CFAP99: variants seen among roughly 807,000 people sequenced by gnomAD.
CFAP99 encodes cilia and flagella associated protein 99.
CFAP99 carries 84 observed loss-of-function variants against 82.7 expected under a neutral mutation model. That is an observed-to-expected ratio of 1.02 (90% CI 0.85 to 1.22). The LOEUF is 1.22. CFAP99 is among the 50% of genes most tolerant of loss of function. The pLI is 0.00. For missense variants in CFAP99, 1,059 were observed against 983.5 expected (o/e 1.08, Z -1.03); for synonymous variants, 456 against 429.5 (o/e 1.06, Z -0.76).
intron 1 of CFAP99, among the ~76,000 whole-genome samples, chr4:2,419,467 G>A (rs1478795096): frequency 6.6e-6 from 1 of 152,190 alleles, no homozygotes. Flanking sequence ...TGCCCTGGCT[G>A]TGGGGGTTGC....
chr4:2,455,916 G>A (rs575489512), intron 11 of CFAP99, among the ~76,000 whole-genome samples: 63 of 152,266 alleles, frequency 4.1e-4, no homozygotes, highest in Middle Eastern at 6.8e-3. Flanking sequence ...GTGTTTTAAT[G>A]AACTATAACT....
chr4:2,436,362 A>G (rs1578469134), intron 2 of CFAP99, among the ~76,000 whole-genome samples: 1 of 152,114 alleles, frequency 6.6e-6, no homozygotes, highest in African/African-American at 2.4e-5. Context: ...TTCATTTGAA[A>G]ATATTATTGT....
At chr4:2,442,921 TGGGGTGCTGGGGGCCTTGG>T (rs1734079089) in intron 4 of CFAP99, among the ~76,000 whole-genome samples, 190 bp from the exon 5 acceptor site, 1 of 84,188 alleles carries the variant, frequency 1.2e-5, no homozygotes, top group Non-Finnish European at 2.5e-5. Context: ...GGGAGCTCAC[TGGGGTGCTGGGGGCCTTGG>T]GGGGAGCCAC....
In CFAP99 at chr4:2,462,575, G is replaced by A. The variant is rs1734650193; in HGVS notation, c.1794G>A (p.Ser598=). Residue 598 remains serine, a synonymous_variant, in exon 15 of 15, where the codon TCG becomes TCA. Transcript: ENST00000635017. This position sits in a 1 kb window ranked among gnomAD's most constrained non-coding sequence, Gnocchi z 4.1. ...GGCAGGCGGCCTTGCTGCACGTGTC[G>A]GCGCCGCGGACCGCGCGCCCCAAGC... is the stretch of plus-strand genomic sequence containing the variant. 1 of 1,433,658 alleles carries A rather than the reference G, an allele frequency of 7.0e-7. No homozygotes were observed. The highest frequency in any genetic ancestry group is 9.1e-7 in the Non-Finnish European group (1 of 1,097,124). 88.8% of individuals were successfully genotyped at this position (1,433,658 alleles called of 1,614,324 possible).
intron 1 of CFAP99, among the ~76,000 whole-genome samples, chr4:2,423,614 T>C (rs1733625951): frequency 1.3e-5 from 2 of 152,166 alleles, no homozygotes; most frequent in East Asian, 3.9e-4. Context: ...TGAGGCAGCT[T>C]AGGTGGCAGG....
In CFAP99 at chr4:2,450,111, C is replaced by T. The variant is rs922452898; in HGVS notation, c.795+106C>T. 4 of 1,162,176 alleles carry T rather than the reference C, an allele frequency of 3.4e-6. No homozygotes were observed. In the African/African-American group the frequency reaches 6.1e-5, roughly 18 times the overall value. The allele number at this position is 1,162,176 out of a possible 1,614,324, so 72.0% of individuals were successfully genotyped here. A position where few individuals can be genotyped will look rare whatever the true frequency, so the allele number is the denominator to read the frequency against. On this transcript the variant is annotated intron_variant, in intron 8 of 14. Transcript: ENST00000635017. ...AGTGACCACTTATGTAGCCTTTTCC[C>T]ACTGAGGGCCGGGGAGGGGCGGATT...
chr4:2,454,593 T>TG (rs1449495692), intron 11 of CFAP99, among the ~76,000 whole-genome samples: 3,639 of 110,272 alleles, frequency 0.033, 69 homozygotes, highest in Non-Finnish European at 0.039. Context: ...TTTTTTTTTT[T>TG]GTTTTTTTTT....
Position 2,446,357 on chromosome 4 carries a change from T to A in CFAP99, c.642+1049T>A, listed in dbSNP as rs1734163934. Among the ~76,000 whole-genome samples the A allele has an allele frequency of 6.6e-6, 1 of 150,780 alleles. No individual in the cohort carries two copies. The highest frequency in any genetic ancestry group is 1.5e-5 in the Non-Finnish European group (1 of 67,848). ...TCCCATATTCTCTTTTTATTTCATT[T>A]TATTATTGTTGTTATTATTATTATT... On this transcript the variant is annotated intron_variant, in intron 6 of 14. Coordinates refer to ENST00000635017, the Ensembl canonical transcript of CFAP99. This position sits in a 1 kb window ranked among gnomAD's most constrained non-coding sequence, Gnocchi z 5.0.
At chr4:2,447,123 T>C (rs1418225252) in intron 6 of CFAP99, among the ~76,000 whole-genome samples, 1 of 143,608 alleles carries the variant, frequency 7.0e-6, no homozygotes, top group African/African-American at 2.6e-5. Context: ...AGATGGTGAA[T>C]GGATGGATGG....
At chr4:2,423,882 T>C (rs1328057595) in intron 1 of CFAP99, among the ~76,000 whole-genome samples, 1 of 81,936 alleles carries the variant, frequency 1.2e-5, no homozygotes, top group Non-Finnish European at 2.7e-5. Context: ...TCTCCAGACA[T>C]GGGGTGGGGG....
In CFAP99 at chr4:2,458,881, T is replaced by C. The variant is rs748339538; in HGVS notation, c.1303+17T>C. The C allele has an allele frequency of 4.5e-5, 69 of 1,531,208 alleles. No homozygotes were observed. The highest frequency in any genetic ancestry group is 4.7e-5 in the Non-Finnish European group (54 of 1,144,524). 94.9% of individuals were successfully genotyped at this position (1,531,208 alleles called of 1,614,324 possible). A position where few individuals can be genotyped will look rare whatever the true frequency, so the allele number is the denominator to read the frequency against. ...AGCAGACAGGTAGTCAGGAGCCAGA[T>C]GTCACTGGCCCTACCCCGCTCTTCC... On this transcript the variant is annotated intron_variant, in intron 12 of 14. Coordinates refer to ENST00000635017, the Ensembl canonical transcript of CFAP99.
At chr4:2,436,921 G>A (rs1578469532) in exon 3 of CFAP99, 1 of 1,536,062 alleles carries the variant, frequency 6.5e-7, no homozygotes, top group Middle Eastern at 1.7e-4. Context: ...TTCTGTCTGG[G>A]TGCCTCGAGT....
chr4:2,436,980 G>A (rs1237298450), exon 3 of CFAP99: 1 of 1,536,074 alleles, frequency 6.5e-7, no homozygotes, highest in South Asian at 1.2e-5. Context: ...GTGGAGGATG[G>A]CCGACTCTGC....
At chr4:2,423,898 G>A (rs1487746388) in intron 1 of CFAP99, among the ~76,000 whole-genome samples, 1 of 148,614 alleles carries the variant, frequency 6.7e-6, no homozygotes, top group East Asian at 2.1e-4. Flanking sequence ...GGGGGGAGGG[G>A]GACCCAGCCG....
At chr4:2,459,758 C>T (rs950806272) in intron 13 of CFAP99, among the ~76,000 whole-genome samples, 3 of 152,172 alleles carry the variant, frequency 2.0e-5, no homozygotes, top group African/African-American at 4.8e-5. Context: ...CTGTCTGCCC[C>T]AGGCCCCGAA....
At chr4:2,441,577 C>T (rs1013345276) in intron 4 of CFAP99, among the ~76,000 whole-genome samples, 2 of 152,098 alleles carry the variant, frequency 1.3e-5, no homozygotes, top group South Asian at 2.1e-4. Context: ...CAGGGTGGTG[C>T]CCCCAACACT....
At position 2,462,446 on chromosome 4, in the gene CFAP99, G is replaced by A. The variant is rs1734642447; in HGVS notation, c.1665G>A (p.Trp555Ter). The change falls in exon 15 of 15, where the codon TGG becomes TGA. Residue 555 changes from tryptophan (W) to a stop codon, truncating the protein, a stop_gained. Transcript: ENST00000635017. LOFTEE classifies it low-confidence loss of function (END_TRUNC). This position sits in a 1 kb window ranked among gnomAD's most constrained non-coding sequence, Gnocchi z 4.1. ...AGCCCGCCGCGTCGCCCGCCAGGTGGGAGGAAAAGAAGGCCCTTGCGGCGG... is the reference window on the plus strand; with the variant it reads ...AGCCCGCCGCGTCGCCCGCCAGGTGAGAGGAAAAGAAGGCCCTTGCGGCGG... The A allele has an allele frequency of 2.1e-6, 3 of 1,451,378 alleles. No homozygotes were observed. Among genetic ancestry groups the A allele is most frequent in the Non-Finnish European group, 1.8e-6 (2 of 1,113,436 alleles). 89.9% of individuals were successfully genotyped at this position (1,451,378 alleles called of 1,614,324 possible). A position where few individuals can be genotyped will look rare whatever the true frequency, so the allele number is the denominator to read the frequency against.
At chr4:2,454,205 C>T (rs531060732) in intron 11 of CFAP99, among the ~76,000 whole-genome samples, 1 of 152,288 alleles carries the variant, frequency 6.6e-6, no homozygotes, top group South Asian at 2.1e-4. Context: ...GTTTCACCAT[C>T]TTGGTCAAGC....
At chr4:2,455,883 G>A (rs186086069) in intron 11 of CFAP99, among the ~76,000 whole-genome samples, 4 of 152,316 alleles carry the variant, frequency 2.6e-5, no homozygotes, top group African/African-American at 9.6e-5. Flanking sequence ...TCATATTGGA[G>A]TGATTGCTTT....
Sources: allele counts gnomAD v4.1 joint callset (sites outside exome capture counted in the v4.1 genomes callset), GRCh38; gene constraint gnomAD v4.1.1; non-coding constraint Gnocchi (gnomAD v3.1); transcripts MANE v1.5; gene names NCBI Gene and HGNC (gene_info 2026-07-23, HGNC 2026-07-21).